ZFYVE27: variants seen among roughly 807,000 people sequenced by gnomAD.
The protein encoded by ZFYVE27 is zinc finger FYVE-type containing 27, also known as protrudin.
ZFYVE27 carries 36 observed loss-of-function variants against 52.8 expected under a neutral mutation model. The observed-to-expected ratio is 0.68, with a 90% CI of 0.52 to 0.90. ZFYVE27 has a LOEUF of 0.90. ZFYVE27 is among the 40% of genes least tolerant of loss of function. ZFYVE27 has a pLI of 0.00. For missense variants in ZFYVE27, 450 were observed against 527.2 expected, an observed-to-expected ratio of 0.85 and a Z score of 1.43; for synonymous variants, 223 against 215.6, an observed-to-expected ratio of 1.03 and a Z score of -0.30.
chr10:97,752,207 T>A (rs1363657975), intron 8 of ZFYVE27, among the ~76,000 whole-genome samples: 1 of 152,214 alleles, frequency 6.6e-6, no homozygotes, highest in Non-Finnish European at 1.5e-5. Context: ...GCGTTTTTGT[T>A]TTTCTTAGAG....
At chr10:97,746,028 C>CATATAT (rs398046319) in intron 4 of ZFYVE27, among the ~76,000 whole-genome samples, 2 of 129,322 alleles carry the variant, frequency 1.5e-5, no homozygotes, top group East Asian at 2.2e-4. Context: ...TATATATACA[C>CATATAT]ATATATATAT....
At chr10:97,739,677 C>T (rs768446434) in intron 2 of ZFYVE27, among the ~76,000 whole-genome samples, 3 of 152,082 alleles carry the variant, frequency 2.0e-5, no homozygotes, top group Non-Finnish European at 4.4e-5. Context: ...ACATTTCAGT[C>T]CAGGAGTGTG....
At chr10:97,755,423 C>T (rs1194703264) in intron 10 of ZFYVE27, among the ~76,000 whole-genome samples, 1 of 152,156 alleles carries the variant, frequency 6.6e-6, no homozygotes, top group African/African-American at 2.4e-5. Context: ...GCTGGAAGTC[C>T]AAGATCAGGG....
chr10:97,750,585 C>G, intron 7 of ZFYVE27, 115 bp downstream of exon 7: 1 of 1,360,378 alleles, frequency 7.4e-7, no homozygotes, highest in Non-Finnish European at 1.0e-6. Flanking sequence ...TTTCCCAGGC[C>G]TTAACTCCCC....
chr10:97,753,941 T>C (rs1231682676), intron 10 of ZFYVE27, among the ~76,000 whole-genome samples: 3 of 152,210 alleles, frequency 2.0e-5, no homozygotes, highest in African/African-American at 7.2e-5. Flanking sequence ...AAGGGTGGAC[T>C]TGACAGCACA....
chr10:97,742,727 TAAAA>T (rs1168415673), intron 2 of ZFYVE27, among the ~76,000 whole-genome samples: 1 of 152,124 alleles, frequency 6.6e-6, no homozygotes, highest in Admixed American at 6.5e-5. Flanking sequence ...TATGAAATTA[TAAAA>T]AAAGAATAGA....
intron 10 of ZFYVE27, among the ~76,000 whole-genome samples, chr10:97,755,097 A>G (rs1277938388): frequency 6.6e-6 from 1 of 152,142 alleles, no homozygotes; most frequent in East Asian, 1.9e-4. Context: ...GATAATCTCT[A>G]CCAGCATGGG....
intron 4 of ZFYVE27, among the ~76,000 whole-genome samples, chr10:97,745,595 G>C (rs1054224550): frequency 2.6e-5 from 4 of 152,210 alleles, no homozygotes; most frequent in African/African-American, 9.7e-5. Flanking sequence ...CATTGGGCAA[G>C]TTGCTTAGCC....
chr10:97,738,360 GAATAGT>G, intron 1 of ZFYVE27, 111 bp from the exon 2 acceptor site: 1 of 1,118,924 alleles, frequency 8.9e-7, no homozygotes, highest in Non-Finnish European at 1.3e-6. Context: ...TTTTAGGTCT[GAATAGT>G]TCACTTTCCC....
chr10:97,748,706 G>A (rs1050743784), intron 5 of ZFYVE27, among the ~76,000 whole-genome samples: 2 of 151,774 alleles, frequency 1.3e-5, no homozygotes, highest in African/African-American at 4.8e-5. Flanking sequence ...TTTTTCTTTT[G>A]TTTTCCACTT....
intron 2 of ZFYVE27, chr10:97,738,975 A>C (rs964304489): frequency 3.0e-6 from 1 of 331,744 alleles, no homozygotes; most frequent in African/African-American, 2.0e-5. Flanking sequence ...TACAGCTTAG[A>C]GCAGGCTTAA....
At position 97,751,469 on chromosome 10, in the gene ZFYVE27, G is replaced by A. The variant is rs766665495; in HGVS notation, c.876+7G>A. ...GTTTAAAGATGCGATTGAGGTGGGTGGCCCTTCCCCAGCATCCTCTACTCA... is the reference window on the plus strand; with the variant it reads ...GTTTAAAGATGCGATTGAGGTGGGTAGCCCTTCCCCAGCATCCTCTACTCA... On this transcript the variant is annotated splice_region_variant and intron_variant, in intron 8 of 12. Transcript: ENST00000684270. 2 of 1,613,658 alleles carry A rather than the reference G, an allele frequency of 1.2e-6. No homozygotes were observed. Among genetic ancestry groups the A allele is most frequent in the Non-Finnish European group, 1.7e-6 (2 of 1,179,700 alleles).
rs1269358722 is a variant in ZFYVE27 at position 97,757,716 on chromosome 10, G to A, written c.1164G>A (p.Gly388=). 3 of 1,614,106 alleles carry A rather than the reference G, an allele frequency of 1.9e-6. No individual in the cohort carries two copies. The highest frequency in any genetic ancestry group is 1.7e-5 in the Admixed American group (1 of 60,012). Reference sequence around the variant, plus strand: ...TCAAGGTGCCCAAGTCCTCCATGGGGGCCACAGGTGAGTGGTGCAGGTGGT... The same window carrying A: ...TCAAGGTGCCCAAGTCCTCCATGGGAGCCACAGGTGAGTGGTGCAGGTGGT... The part of the protein sequence containing the change: ...CSFKVPKSSM[G]ATAPEAQRET... The change falls in exon 12 of 13, where the codon GGG becomes GGA. Residue 388 remains glycine (G), a synonymous_variant. Coordinates refer to ENST00000684270, the MANE Select transcript of ZFYVE27 (RefSeq NM_001385875.1).
At position 97,757,275 on chromosome 10, in the gene ZFYVE27, G is replaced by A. The variant is rs2048604398; in HGVS notation, c.1053G>A (p.Thr351=). ...GCCTCTGTTTCTCAGGGAACTGCACGGGCTGCTCGGCCACCTTCTCAGTGC... is the reference window on the plus strand; with the variant it reads ...GCCTCTGTTTCTCAGGGAACTGCACAGGCTGCTCGGCCACCTTCTCAGTGC... ...RYPTNNFGNC[T]GCSATFSVLK... is the part of the protein sequence containing the mutation. The change falls in exon 11 of 13, where the codon ACG becomes ACA. Residue 351 remains threonine, a synonymous_variant. Transcript: ENST00000684270. 5.0e-6 allele frequency: 8 copies of A among 1,614,116 alleles called. 1 individual carries two copies. Among genetic ancestry groups the A allele is most frequent in the Non-Finnish European group, 4.2e-6 (5 of 1,180,002 alleles).
At chr10:97,749,611 T>C in intron 6 of ZFYVE27, 25 bp downstream of exon 6, 1 of 1,596,190 alleles carries the variant, frequency 6.3e-7, no homozygotes, top group Non-Finnish European at 8.6e-7. Flanking sequence ...GCCTGAAAGA[T>C]GGGGCCCAAG....
At chr10:97,758,680 A>G (rs1414754426) in intron 12 of ZFYVE27, among the ~76,000 whole-genome samples, 2 of 152,216 alleles carry the variant, frequency 1.3e-5, no homozygotes, top group Non-Finnish European at 2.9e-5. Flanking sequence ...AAATTTGGAA[A>G]TTATTATACA....
chr10:97,758,526 T>C (rs1367665283), intron 12 of ZFYVE27, among the ~76,000 whole-genome samples: 1 of 152,144 alleles, frequency 6.6e-6, no homozygotes, highest in Non-Finnish European at 1.5e-5. Flanking sequence ...TTCTCCATGT[T>C]GGTCAGGCTG....
chr10:97,755,535 T>C (rs1007932419), intron 10 of ZFYVE27, among the ~76,000 whole-genome samples: 1 of 152,202 alleles, frequency 6.6e-6, no homozygotes, highest in African/African-American at 2.4e-5. Flanking sequence ...GGCAGTTCTC[T>C]GGGGCCTCTT....
chr10:97,746,468 C>A lies in ZFYVE27; in HGVS notation c.455+1553C>A, dbSNP rs990141012. Reference sequence around the variant, plus strand: ...GTCTATCTCTCTACATATACATATTCTTTTCTTTTTCCTAAACCATTTGAA... The same window carrying A: ...GTCTATCTCTCTACATATACATATTATTTTCTTTTTCCTAAACCATTTGAA... On this transcript the variant is annotated intron_variant, in intron 4 of 12. Coordinates refer to ENST00000684270, the MANE Select transcript of ZFYVE27 (RefSeq NM_001385875.1). 4.6e-5 allele frequency among the ~76,000 whole-genome samples: 7 copies of A among 152,302 alleles called. No individual in the cohort carries two copies. The South Asian group carries it at 1.5e-3, about 32-fold the overall frequency.
Sources: gnomAD v4.1 joint callset for allele counts (sites outside exome capture counted in the v4.1 genomes callset) on GRCh38, gnomAD v4.1.1 for gene constraint, MANE v1.5 for transcripts, NCBI Gene and HGNC (gene_info 2026-07-23, HGNC 2026-07-21) for gene names.